The following SH3KBP1 variants were observed in gnomAD, a reference collection of about 807,000 sequenced individuals.
SH3KBP1 encodes SH3 domain containing kinase binding protein 1, also known as SH3 domain-containing kinase-binding protein 1.
Under a neutral mutation model 50.1 loss-of-function variants are expected in SH3KBP1, and 8 were observed. That is an observed-to-expected ratio of 0.16 (90% CI 0.09 to 0.29). The LOEUF (loss-of-function observed/expected upper bound fraction) is 0.29, where lower values mean the gene tolerates loss of function less well. Among genes scored for constraint, SH3KBP1 ranks in the 10% least tolerant of loss-of-function variants. SH3KBP1 has a pLI of 1.00. For synonymous variants in SH3KBP1, 227 were observed against 218.6 expected (o/e 1.04, Z -0.34); for missense variants, 377 against 535.2 (o/e 0.70, Z 2.92).
intron 1 of SH3KBP1, among the ~76,000 whole-genome samples, chrX:19,886,763 C>T (rs2069595769): frequency 9.1e-6 from 1 of 109,990 alleles, no homozygotes; most frequent in African/African-American, 3.3e-5. Flanking sequence ...CTCTGGACCC[C>T]GGGACTGCGA....
intron 3 of SH3KBP1, among the ~76,000 whole-genome samples, chrX:19,734,418 T>C (rs2064473188): frequency 8.9e-6 from 1 of 112,042 alleles, no homozygotes; most frequent in South Asian, 3.7e-4. Context: ...ACACATCTTG[T>C]CCCTCAGCTG....
intron 1 of SH3KBP1, among the ~76,000 whole-genome samples, chrX:19,850,082 A>G (rs2068464657): frequency 8.9e-6 from 1 of 112,392 alleles, no homozygotes; most frequent in Non-Finnish European, 1.9e-5. Context: ...GCACCTGGAA[A>G]GGAAGATGGG....
intron 6 of SH3KBP1, among the ~76,000 whole-genome samples, chrX:19,645,811 A>G (rs1427032682): frequency 8.9e-6 from 1 of 112,137 alleles, no homozygotes; most frequent in Non-Finnish European, 1.9e-5. Flanking sequence ...GACTCAGTCT[A>G]TGGAGGTACA....
chrX:19,584,798 G>A (rs986380538), intron 12 of SH3KBP1, among the ~76,000 whole-genome samples: 4 of 112,145 alleles, frequency 3.6e-5, no homozygotes, highest in African/African-American at 1.3e-4. Flanking sequence ...TGGCTGGTGA[G>A]AAGCAGCGTG....
intron 2 of SH3KBP1, among the ~76,000 whole-genome samples, chrX:19,829,516 A>T (rs1468096128): frequency 1.8e-5 from 2 of 109,121 alleles, no homozygotes; most frequent in African/African-American, 6.7e-5. Context: ...TGGGAGGCCG[A>T]GGCAGGCGGA....
chrX:19,671,846 A>G lies in SH3KBP1; in HGVS notation c.726+11977T>C, dbSNP rs770870971. On this transcript the variant is annotated intron_variant, in intron 6 of 17. Transcript: ENST00000397821. ...TAGCCACAATTACAAGTTCAGGACA[A>G]TTTCACAAATCAGGATGCCAAGTAA... is the stretch of plus-strand genomic sequence containing the variant. Among the ~76,000 whole-genome samples, 10 of 112,548 alleles carry G rather than the reference A, an allele frequency of 8.9e-5. No individual in the cohort carries two copies. In the South Asian group the frequency reaches 3.6e-3, roughly 41 times the overall value.
chrX:19,851,611 A>C (rs1259234074), intron 1 of SH3KBP1, among the ~76,000 whole-genome samples: 1 of 112,896 alleles, frequency 8.9e-6, no homozygotes, highest in Non-Finnish European at 1.9e-5. Flanking sequence ...ATCATGGCTC[A>C]CTACAGCCTC....
At chrX:19,771,045 C>T (rs1459324322) in intron 2 of SH3KBP1, among the ~76,000 whole-genome samples, 4 of 111,654 alleles carry the variant, frequency 3.6e-5, no homozygotes, top group Admixed American at 2.9e-4. Context: ...GTTTATTTTA[C>T]CCAGGGAATG....
At chrX:19,670,242 C>G (rs1467772463) in intron 6 of SH3KBP1, 1 of 418,754 alleles carries the variant, frequency 2.4e-6, no homozygotes, top group East Asian at 2.0e-4. Flanking sequence ...CCCCGCACTA[C>G]AAAACTAGCC....
In SH3KBP1 at chrX:19,783,186, G is replaced by A. The variant is rs143967537; in HGVS notation, c.163-36745C>T. ...GAGGCAGCTCACAACCCTTTTTCTCGTTGCAAACCACACTTTAAGGAGTTT... is the reference window on the plus strand; with the variant it reads ...GAGGCAGCTCACAACCCTTTTTCTCATTGCAAACCACACTTTAAGGAGTTT... On this transcript the variant is annotated intron_variant, in intron 2 of 17. Coordinates refer to ENST00000397821, the MANE Select transcript of SH3KBP1 (RefSeq NM_031892.3). Among the ~76,000 whole-genome samples the A allele has an allele frequency of 2.4e-3, 269 of 112,085 alleles. 1 individual carries two copies. Among genetic ancestry groups the A allele is most frequent in the Middle Eastern group, 0.014 (3 of 215 alleles).
intron 2 of SH3KBP1, among the ~76,000 whole-genome samples, chrX:19,805,257 A>G (rs942119508): frequency 1.3e-4 from 14 of 111,057 alleles, no homozygotes; most frequent in Non-Finnish European, 2.6e-4. Flanking sequence ...ATTACTGCGC[A>G]TGTTTAAAGC....
At chrX:19,591,939 C>A in intron 11 of SH3KBP1, 128 bp downstream of exon 11, 3 of 557,233 alleles carry the variant, frequency 5.4e-6, no homozygotes, top group Non-Finnish European at 9.3e-6. Flanking sequence ...TAAAAGCAAT[C>A]AAAACAAAAC....
At chrX:19,802,059 C>T (rs2066908396) in intron 2 of SH3KBP1, among the ~76,000 whole-genome samples, 1 of 108,749 alleles carries the variant, frequency 9.2e-6, no homozygotes, top group Non-Finnish European at 1.9e-5. Context: ...GCCTGAGCGA[C>T]AGAGCAAGGC....
intron 1 of SH3KBP1, among the ~76,000 whole-genome samples, chrX:19,866,701 A>G (rs1471818947): frequency 9.1e-6 from 1 of 109,378 alleles, no homozygotes; most frequent in Non-Finnish European, 1.9e-5. Context: ...TTAAAAAAAA[A>G]AAAAGAAAAG....
At chrX:19,846,870 T>C (rs886324261) in intron 1 of SH3KBP1, among the ~76,000 whole-genome samples, 1 of 111,915 alleles carries the variant, frequency 8.9e-6, no homozygotes, top group Non-Finnish European at 1.9e-5. Flanking sequence ...AGGACTATCA[T>C]GGAAAGCAAC....
chrX:19,774,077 C>G (rs2065885156), intron 2 of SH3KBP1, among the ~76,000 whole-genome samples: 1 of 109,704 alleles, frequency 9.1e-6, no homozygotes, highest in Admixed American at 9.8e-5. Flanking sequence ...CTTGAAAAGG[C>G]AGAATTCTGG....
chrX:19,570,204 C>T (rs901297055), intron 12 of SH3KBP1, among the ~76,000 whole-genome samples: 1 of 111,743 alleles, frequency 8.9e-6, no homozygotes, highest in Admixed American at 9.5e-5. Flanking sequence ...GCCAGCCAGC[C>T]ACAGGTACAC....
chrX:19,749,283 C>G (rs1385842968), intron 2 of SH3KBP1, among the ~76,000 whole-genome samples: 1 of 112,337 alleles, frequency 8.9e-6, no homozygotes, highest in Non-Finnish European at 1.9e-5. Flanking sequence ...AATTCCACTT[C>G]TAGGTATATA....
chrX:19,708,975 C>CA (rs1290527031), intron 3 of SH3KBP1, among the ~76,000 whole-genome samples: 1 of 111,566 alleles, frequency 9.0e-6, no homozygotes, highest in East Asian at 2.8e-4. Context: ...TTCATATGTT[C>CA]AAAAAACCCT....
Sources: gnomAD v4.1 joint callset for allele counts (sites outside exome capture counted in the v4.1 genomes callset) on GRCh38, gnomAD v4.1.1 for gene constraint, MANE v1.5 for transcripts, NCBI Gene and HGNC (gene_info 2026-07-23, HGNC 2026-07-21) for gene names.